The following MACF1 variants were observed in gnomAD, a reference collection of about 807,000 sequenced individuals.
The protein encoded by MACF1 is microtubule-actin cross-linking factor 1.
Under a neutral mutation model 854.8 loss-of-function variants are expected in MACF1, and 193 were observed. That is an observed-to-expected ratio of 0.23 (90% CI 0.20 to 0.25). The LOEUF is 0.25. Among genes scored for constraint, MACF1 ranks in the 10% least tolerant of loss-of-function variants. The pLI is 1.00. For synonymous variants in MACF1, 3,185 were observed against 3,226.7 expected, an observed-to-expected ratio of 0.99 and a Z score of 0.44; for missense variants, 7,722 against 8,929.1, an observed-to-expected ratio of 0.86 and a Z score of 5.45.
At chr1:39,244,905 G>T (rs184448626) in intron 2 of MACF1, among the ~76,000 whole-genome samples, 6 of 152,252 alleles carry the variant, frequency 3.9e-5, no homozygotes, top group Admixed American at 2.6e-4. Context: ...TAGAGCGGGG[G>T]TTTTGCTGTG....
At chr1:39,118,110 C>G (rs1341143772) in intron 2 of MACF1, among the ~76,000 whole-genome samples, 1 of 152,258 alleles carries the variant, frequency 6.6e-6, no homozygotes, top group Non-Finnish European at 1.5e-5. Context: ...ATGGGAGGCT[C>G]CAGTTTCCAG....
rs138914582 is a variant in MACF1, at chr1:39,386,125, G to A, written c.14344+196G>A. ...CACAGTGAACACTTAAAAATGTGAAGGTTTACATAGCATAGTCCTAAAGAT... is the reference window on the plus strand; with the variant it reads ...CACAGTGAACACTTAAAAATGTGAAAGTTTACATAGCATAGTCCTAAAGAT... On this transcript the variant is annotated intron_variant, in intron 57 of 100. Transcript: ENST00000564288. 3.5e-4 allele frequency among the ~76,000 whole-genome samples: 53 copies of A among 152,140 alleles called. No individual in the cohort carries two copies. The East Asian group carries it at 9.8e-3, about 28-fold the overall frequency.
chr1:39,485,692 C>A lies in MACF1; in HGVS notation c.22566C>A (p.Gly7522=). The change falls in exon 101 of 101, where the codon GGC becomes GGA. Residue 7522 remains glycine, a synonymous_variant. Coordinates refer to ENST00000564288, the MANE Select transcript of MACF1 (RefSeq NM_001394062.1). ...SDTSESSAAG[G]QGNSRRGLNK... The stretch of plus-strand genomic sequence containing the variant: ...CTTCAGAAAGCAGCGCTGCAGGGGG[C>A]CAAGGCAACTCCAGGAGAGGGCTAA... 1 of 1,613,996 alleles carries A rather than the reference C, an allele frequency of 6.2e-7. No individual in the cohort carries two copies. Among genetic ancestry groups the A allele is most frequent in the Non-Finnish European group, 8.5e-7 (1 of 1,179,982 alleles).
chr1:39,269,335 A>G, intron 6 of MACF1: 1 of 1,289,708 alleles, frequency 7.8e-7, no homozygotes, highest in Non-Finnish European at 1.0e-6. Context: ...AAAGGAAATC[A>G]AGAACAATTT....
intron 23 of MACF1, among the ~76,000 whole-genome samples, chr1:39,303,319 T>C (rs997272821): frequency 2.6e-5 from 4 of 152,194 alleles, no homozygotes; most frequent in African/African-American, 9.7e-5. Context: ...CTCCTGGTTA[T>C]AAATAGTTTA....
intron 2 of MACF1, among the ~76,000 whole-genome samples, chr1:39,194,791 G>A (rs1257889859): frequency 6.6e-6 from 1 of 151,102 alleles, no homozygotes; most frequent in African/African-American, 2.4e-5. Flanking sequence ...TCCTGGGCTG[G>A]AGTGATTCTC....
intron 5 of MACF1, chr1:39,254,761 T>G (rs1645079365): frequency 4.7e-6 from 1 of 212,398 alleles, no homozygotes; most frequent in African/African-American, 2.3e-5. Flanking sequence ...AAGGGGGTAG[T>G]GTGGATTGTG....
chr1:39,099,255 A>T (rs1192258816), intron 2 of MACF1, among the ~76,000 whole-genome samples: 1 of 152,164 alleles, frequency 6.6e-6, no homozygotes, highest in African/African-American at 2.4e-5. Context: ...TCCTGGGTTC[A>T]AGCGATTCTC....
At chr1:39,471,988 T>C (rs1299445669) in intron 97 of MACF1, among the ~76,000 whole-genome samples, 1 of 152,200 alleles carries the variant, frequency 6.6e-6, no homozygotes, top group Non-Finnish European at 1.5e-5. Flanking sequence ...AGCTTAGAAC[T>C]GAATTTTAAC....
chr1:39,162,744 A>G (rs1643826637), intron 2 of MACF1, among the ~76,000 whole-genome samples: 1 of 152,146 alleles, frequency 6.6e-6, no homozygotes, highest in Non-Finnish European at 1.5e-5. Flanking sequence ...GTGGGGATTA[A>G]ATGAGATAGT....
intron 2 of MACF1, among the ~76,000 whole-genome samples, chr1:39,234,866 C>G: frequency 1.3e-5 from 1 of 76,506 alleles, no homozygotes; most frequent in African/African-American, 4.7e-5. Flanking sequence ...ACATCCCAGA[C>G]GGGGCGGCGG....
At chr1:39,341,552 G>A (rs1646935870) in intron 40 of MACF1, among the ~76,000 whole-genome samples, 4 of 151,436 alleles carry the variant, frequency 2.6e-5, no homozygotes, top group Admixed American at 2.6e-4. Flanking sequence ...AAAAAAATTA[G>A]CCGGGCGGTG....
rs755068947 is a variant in MACF1, at chr1:39,268,730, G to A, written c.528+10702G>A. On this transcript the variant is annotated intron_variant, in intron 6 of 100. Coordinates refer to ENST00000564288, the MANE Select transcript of MACF1 (RefSeq NM_001394062.1). ...ATTCACTGGGCTGTTTTAAGGAGCC[G>A]AAAGAGTCAATAGCTATTCCTGAGA... 15 of 1,286,898 alleles carry A rather than the reference G, an allele frequency of 1.2e-5. No homozygotes were observed. In the Admixed American group the frequency reaches 1.2e-4, roughly 10 times the overall value. 79.7% of individuals were successfully genotyped at this position (1,286,898 alleles called of 1,614,324 possible).
At chr1:39,233,007 TTTGTTGTTGTTG>T (rs541207629) in intron 2 of MACF1, among the ~76,000 whole-genome samples, 1 of 139,386 alleles carries the variant, frequency 7.2e-6, no homozygotes, top group Non-Finnish European at 1.6e-5. Context: ...CTTTCTTGTT[TTTGTTGTTGTTG>T]TTGTTGTTGT....
At chr1:39,259,350 C>A (rs1645131418) in intron 6 of MACF1, among the ~76,000 whole-genome samples, 2 of 152,186 alleles carry the variant, frequency 1.3e-5, no homozygotes, top group African/African-American at 4.8e-5. Context: ...CAACCTCCGC[C>A]TCCTGGGTTC....
At chr1:39,399,465 C>T (rs1163212213) in intron 58 of MACF1, among the ~76,000 whole-genome samples, 1 of 146,570 alleles carries the variant, frequency 6.8e-6, no homozygotes, top group African/African-American at 2.5e-5. Flanking sequence ...ATTTCTGACT[C>T]CCAGGTTCAA....
At chr1:39,259,541 C>T (rs906640415) in intron 6 of MACF1, among the ~76,000 whole-genome samples, 9 of 152,116 alleles carry the variant, frequency 5.9e-5, no homozygotes, top group Admixed American at 2.0e-4. Context: ...GGATTACAGG[C>T]GTGAGCCACC....
chr1:39,364,546 G>A (rs1648508862), intron 49 of MACF1, among the ~76,000 whole-genome samples: 1 of 151,260 alleles, frequency 6.6e-6, no homozygotes, highest in Non-Finnish European at 1.5e-5. Context: ...AGGCTGGAGT[G>A]CAGTGGCGCG....
intron 2 of MACF1, among the ~76,000 whole-genome samples, chr1:39,135,015 T>C (rs565624604): frequency 2.0e-5 from 3 of 152,330 alleles, no homozygotes; most frequent in Admixed American, 2.0e-4. Flanking sequence ...CTCTATGTAC[T>C]TCATATAAGT....
Sources: gnomAD v4.1 joint callset for allele counts (sites outside exome capture counted in the v4.1 genomes callset) on GRCh38, gnomAD v4.1.1 for gene constraint, MANE v1.5 for transcripts, NCBI Gene and HGNC (gene_info 2026-07-23, HGNC 2026-07-21) for gene names.